Variants in DMD observed in about 807,000 individuals in gnomAD.
DMD encodes the protein dystrophin.
Under a neutral mutation model 330.1 loss-of-function variants are expected in DMD, and 63 were observed. The ratio of observed to expected loss-of-function variants is 0.19; its 90% CI spans 0.16 to 0.24. DMD has a LOEUF of 0.24. Ranked by LOEUF, DMD falls within the 10% of genes least tolerant of loss-of-function variation. The pLI is 1.00. For missense variants in DMD, 3,344 were observed against 2,684.1 expected (o/e 1.25, Z -5.43); for synonymous variants, 1,223 against 959.8 (o/e 1.27, Z -5.07).
intron 42 of DMD, among the ~76,000 whole-genome samples, chrX:32,305,381 A>G (rs115301612): frequency 9.0e-6 from 1 of 111,212 alleles, no homozygotes; most frequent in East Asian, 2.8e-4. Flanking sequence ...AAGAAATCAT[A>G]CATCTCTCAA....
chrX:32,252,777 T>A (rs2097275816), intron 43 of DMD, among the ~76,000 whole-genome samples: 2 of 66,726 alleles, frequency 3.0e-5, no homozygotes, highest in Non-Finnish European at 4.8e-5. Flanking sequence ...TATATAAATA[T>A]ATATAAATAT....
intron 7 of DMD, among the ~76,000 whole-genome samples, chrX:32,747,373 C>T (rs964761206): frequency 8.9e-6 from 1 of 112,319 alleles, no homozygotes; most frequent in Non-Finnish European, 1.9e-5. Context: ...CCATCAGCCT[C>T]ACCTGGGAGA....
chrX:31,932,312 G>A (rs775147071), intron 45 of DMD, 85 bp from the exon 46 acceptor site: 2 of 726,185 alleles, frequency 2.8e-6, no homozygotes, highest in African/African-American at 2.2e-5. Flanking sequence ...ACACAAACAT[G>A]GCAATTTAAA....
intron 1 of DMD, among the ~76,000 whole-genome samples, chrX:33,334,875 G>C (rs371646364): frequency 1.3e-4 from 15 of 111,313 alleles, no homozygotes; most frequent in African/African-American, 4.9e-4. Context: ...ATTTAGTGCA[G>C]AAACTCCATT....
chrX:32,021,684 T>C (rs746501201), intron 44 of DMD, among the ~76,000 whole-genome samples: 57 of 112,339 alleles, frequency 5.1e-4, no homozygotes, highest in African/African-American at 1.7e-3. Flanking sequence ...AAGAAAAAGG[T>C]TAAATACATA....
intron 48 of DMD, among the ~76,000 whole-genome samples, chrX:31,855,165 C>T (rs17283337): frequency 0.1 from 10,555 of 103,679 alleles, 398 homozygotes; most frequent in African/African-American, 0.12. Flanking sequence ...ACTTTTATCA[C>T]GCTATGTCTC....
chrX:31,505,672 C>T (rs2070867550), intron 56 of DMD, among the ~76,000 whole-genome samples: 1 of 110,529 alleles, frequency 9.0e-6, no homozygotes, highest in Admixed American at 9.6e-5. Context: ...CTCACTCTGT[C>T]CCCTAGGCTG....
Position 32,040,679 on chromosome X carries a change from G to A in DMD, c.6439-72165C>T, listed in dbSNP as rs755157048. ...TATTTCATCAGCAAGAAGGGCAAAG[G>A]CAGATTCACTAAATTTCTTGAGGCC... On this transcript the variant is annotated intron_variant, in intron 44 of 78. Coordinates refer to ENST00000357033, the MANE Select transcript of DMD (RefSeq NM_004006.3). Among the ~76,000 whole-genome samples the A allele has an allele frequency of 4.5e-5, 5 of 111,651 alleles. No homozygotes were observed. In the South Asian group the frequency reaches 1.5e-3, roughly 33 times the overall value.
chrX:32,251,262 T>C (rs367996767), intron 43 of DMD, among the ~76,000 whole-genome samples: 9 of 111,470 alleles, frequency 8.1e-5, no homozygotes, highest in Admixed American at 1.9e-4. Flanking sequence ...CTTTAGGTTA[T>C]TGCACCCACT....
At chrX:32,854,928 C>G (rs375819988) in intron 2 of DMD, among the ~76,000 whole-genome samples, 1 of 111,686 alleles carries the variant, frequency 9.0e-6, no homozygotes, top group East Asian at 2.8e-4. Context: ...CAAAAATCCT[C>G]AACAAAATAC....
intron 11 of DMD, among the ~76,000 whole-genome samples, chrX:32,623,100 T>G (rs1383391619): frequency 1.8e-5 from 2 of 111,889 alleles, no homozygotes; most frequent in Non-Finnish European, 3.8e-5. Context: ...TTCAGTAAAG[T>G]AAGGAAGGGC....
chrX:32,494,377 A>G (rs2043284655), intron 19 of DMD, among the ~76,000 whole-genome samples: 1 of 111,525 alleles, frequency 9.0e-6, no homozygotes, highest in Non-Finnish European at 1.9e-5. Context: ...TAAAAGAACG[A>G]CATCTATAAT....
At chrX:31,571,457 T>C (rs557326523) in intron 55 of DMD, among the ~76,000 whole-genome samples, 1 of 110,694 alleles carries the variant, frequency 9.0e-6, no homozygotes, top group South Asian at 3.9e-4. Context: ...AATATTGTAA[T>C]TTTTAAAAAT....
At chrX:31,728,062 G>T (rs1255807116) in intron 52 of DMD, among the ~76,000 whole-genome samples, 1 of 112,324 alleles carries the variant, frequency 8.9e-6, no homozygotes, top group Admixed American at 9.4e-5. Context: ...TCGCTCTGTC[G>T]CCCAGGCTGG....
rs2097146507 is a variant in DMD at position 32,226,006 on chromosome X, A to G, written c.6291-8943T>C. On this transcript the variant is annotated intron_variant, in intron 43 of 78. Transcript: ENST00000357033. ...TCTTGAGACCATCGTTTACTTCTCG[A>G]CTTCTTTCTTATCATGCTTGTCTCT... Among the ~76,000 whole-genome samples, 5 of 111,580 alleles carry G rather than the reference A, an allele frequency of 4.5e-5. No individual in the cohort carries two copies. In the South Asian group the frequency reaches 1.9e-3, roughly 42 times the overall value.
At position 32,362,779 on chromosome X, in the gene DMD, T is replaced by C; in HGVS notation, c.5325+9A>G. ...GCACAAGTTTCCACCTTGGAGTAGATCTTCCTACCTTTCCAGTCTTAATTC... is the reference window on the plus strand; with the variant it reads ...GCACAAGTTTCCACCTTGGAGTAGACCTTCCTACCTTTCCAGTCTTAATTC... On this transcript the variant is annotated intron_variant, in intron 37 of 78. Transcript: ENST00000357033. 1.7e-6 allele frequency: 2 copies of C among 1,210,833 alleles called. No individual in the cohort carries two copies. The highest frequency in any genetic ancestry group is 4.4e-5 in the Admixed American group (2 of 45,926).
Position 32,654,850 on chromosome X carries a change from G to T in DMD, c.961-9698C>A, listed in dbSNP as rs182489436. On this transcript the variant is annotated intron_variant, in intron 9 of 78. Transcript: ENST00000357033. Reference sequence around the variant, plus strand: ...CAGAGCCTGTTATTGGTCTATTCAGGGATTCAACTTCCTGGTTTAGTCTTG... The same window carrying T: ...CAGAGCCTGTTATTGGTCTATTCAGTGATTCAACTTCCTGGTTTAGTCTTG... Among the ~76,000 whole-genome samples, 30 of 110,950 alleles carry T rather than the reference G, an allele frequency of 2.7e-4. No individual in the cohort carries two copies. The East Asian group carries it at 7.6e-3, about 28-fold the overall frequency.
chrX:32,006,985 G>A (rs111571294), intron 44 of DMD, among the ~76,000 whole-genome samples: 25 of 98,888 alleles, frequency 2.5e-4, no homozygotes, highest in Non-Finnish European at 3.6e-4. Flanking sequence ...ACCAAACACT[G>A]CATACTCTCA....
chrX:32,613,526 A>T (rs1022608569), intron 12 of DMD, among the ~76,000 whole-genome samples: 4 of 111,079 alleles, frequency 3.6e-5, no homozygotes, highest in East Asian at 2.8e-4. Flanking sequence ...ATTAACATTT[A>T]AAAAATGTCA....
Sources: gnomAD v4.1 joint callset for allele counts (sites outside exome capture counted in the v4.1 genomes callset) on GRCh38, gnomAD v4.1.1 for gene constraint, MANE v1.5 for transcripts, NCBI Gene and HGNC (gene_info 2026-07-23, HGNC 2026-07-21) for gene names.